TBL1X: variants seen among roughly 807,000 people sequenced by gnomAD.
TBL1X encodes the protein transducin beta like 1 X-linked, also known as F-box-like/WD repeat-containing protein TBL1X.
Under a neutral mutation model 50.7 loss-of-function variants are expected in TBL1X, and 10 were observed. That is an observed-to-expected ratio of 0.20 (90% CI 0.12 to 0.33). The LOEUF (loss-of-function observed/expected upper bound fraction) is 0.33. Among genes scored for constraint, TBL1X ranks in the 10% least tolerant of loss-of-function variants. The pLI is 1.00. For missense variants in TBL1X, 340 were observed against 504.4 expected, an observed-to-expected ratio of 0.67 and a Z score of 3.12; for synonymous variants, 190 against 214.7, an observed-to-expected ratio of 0.88 and a Z score of 1.01.
intron 2 of TBL1X, among the ~76,000 whole-genome samples, chrX:9,574,539 A>G (rs976637310): frequency 4.6e-5 from 5 of 109,057 alleles, no homozygotes; most frequent in Non-Finnish European, 7.6e-5. Flanking sequence ...TACCTTCCCG[A>G]ACCTTTGCTG....
At chrX:9,532,044 A>G (rs987738983) in intron 2 of TBL1X, among the ~76,000 whole-genome samples, 1 of 111,661 alleles carries the variant, frequency 9.0e-6, no homozygotes, top group Non-Finnish European at 1.9e-5. Context: ...GCGCAAGAGC[A>G]CGTCTTTTAA....
intron 3 of TBL1X, among the ~76,000 whole-genome samples, chrX:9,648,431 C>T (rs2082816428): frequency 8.9e-6 from 1 of 111,817 alleles, no homozygotes; most frequent in Non-Finnish European, 1.9e-5. Context: ...GTGTAGAGGG[C>T]AGTCCTCATG....
At chrX:9,591,730 A>G (rs1316110391) in intron 2 of TBL1X, among the ~76,000 whole-genome samples, 1 of 111,693 alleles carries the variant, frequency 9.0e-6, no homozygotes, top group Non-Finnish European at 1.9e-5. Flanking sequence ...ACCTGAGCCA[A>G]GTGACACACA....
At chrX:9,567,561 C>T (rs1288789364) in intron 2 of TBL1X, among the ~76,000 whole-genome samples, 1 of 111,848 alleles carries the variant, frequency 8.9e-6, no homozygotes, top group African/African-American at 3.2e-5. Context: ...GTGTCCCACT[C>T]AAACCGGTTG....
chrX:9,488,265 C>T (rs1272635516), intron 1 of TBL1X, among the ~76,000 whole-genome samples: 1 of 112,446 alleles, frequency 8.9e-6, no homozygotes, highest in African/African-American at 3.2e-5. Context: ...GGCCAGAAGT[C>T]TGAAATGGGT....
chrX:9,551,797 C>T (rs569378571), intron 2 of TBL1X, among the ~76,000 whole-genome samples: 1 of 111,822 alleles, frequency 8.9e-6, no homozygotes, highest in Non-Finnish European at 1.9e-5. Context: ...CATAAGCACA[C>T]GCACGCTGGC....
At chrX:9,697,274 A>AAAT in intron 11 of TBL1X, 95 bp from the exon 12 acceptor site, 1 of 1,104,858 alleles carries the variant, frequency 9.1e-7, no homozygotes, top group Non-Finnish European at 1.2e-6. Flanking sequence ...GCCGGTTTAT[A>AAAT]AGGAGAAGGG....
intron 2 of TBL1X, among the ~76,000 whole-genome samples, chrX:9,531,933 C>T (rs1468368531): frequency 1.8e-5 from 2 of 110,693 alleles, no homozygotes; most frequent in African/African-American, 6.6e-5. Flanking sequence ...GGGGTTTCGC[C>T]ATGTTGGCCA....
At chrX:9,701,321 C>A (rs1205266095) in intron 12 of TBL1X, among the ~76,000 whole-genome samples, 2 of 109,890 alleles carry the variant, frequency 1.8e-5, no homozygotes, top group African/African-American at 6.6e-5. Context: ...CCAAACTGGC[C>A]TATGCATGGG....
At chrX:9,712,151 G>A (rs1001836376) in intron 16 of TBL1X, among the ~76,000 whole-genome samples, 3 of 112,328 alleles carry the variant, frequency 2.7e-5, no homozygotes, top group African/African-American at 9.7e-5. Context: ...AGTTATCACC[G>A]AAGTGCTGCT....
intron 13 of TBL1X, 148 bp from the exon 14 acceptor site, chrX:9,709,100 A>G (rs1003430529): frequency 2.0e-6 from 1 of 499,964 alleles, no homozygotes; most frequent in Non-Finnish European, 3.3e-6. Flanking sequence ...AGGAAACTAG[A>G]TGGCTGGTTG....
chrX:9,617,378 C>T (rs909410574), intron 2 of TBL1X, among the ~76,000 whole-genome samples: 7 of 111,722 alleles, frequency 6.3e-5, no homozygotes, highest in Non-Finnish European at 1.3e-4. Flanking sequence ...AGGTCAGGTT[C>T]GCTGAGATCT....
At chrX:9,531,354 G>GGTGTGTGTGTGTGTGTGT (rs57905343) in intron 2 of TBL1X, among the ~76,000 whole-genome samples, 91 of 75,206 alleles carry the variant, frequency 1.2e-3, no homozygotes, top group Admixed American at 1.8e-3. Context: ...GAACCTGGAG[G>GGTGTGTGTGTGTGTGTGT]GTGTGTGTGT....
intron 12 of TBL1X, among the ~76,000 whole-genome samples, chrX:9,698,925 G>A (rs758663295): frequency 9.0e-6 from 1 of 111,600 alleles, no homozygotes; most frequent in Non-Finnish European, 1.9e-5. Context: ...TCTGGAGTCT[G>A]TAGAGATTCC....
At chrX:9,610,745 A>G (rs1245825918) in intron 2 of TBL1X, among the ~76,000 whole-genome samples, 3 of 112,396 alleles carry the variant, frequency 2.7e-5, no homozygotes, top group Admixed American at 1.9e-4. Flanking sequence ...CCCTTTAAAG[A>G]AAGCTTCTCA....
At chrX:9,546,750 G>T (rs1278971183) in intron 2 of TBL1X, among the ~76,000 whole-genome samples, 1 of 105,046 alleles carries the variant, frequency 9.5e-6, no homozygotes, top group Non-Finnish European at 2.0e-5. Context: ...CATTCTTAAA[G>T]AAGAGCTTTC....
At chrX:9,716,143 T>G in intron 17 of TBL1X, 77 bp from the exon 18 acceptor site, 1 of 1,111,648 alleles carries the variant, frequency 9.0e-7, no homozygotes, top group Non-Finnish European at 1.2e-6. Context: ...GTGGGGGCCG[T>G]AGCTTGCCGA....
At chrX:9,652,782 T>A (rs1601817970) in intron 3 of TBL1X, among the ~76,000 whole-genome samples, 1 of 92,824 alleles carries the variant, frequency 1.1e-5, no homozygotes, top group African/African-American at 4.2e-5. Flanking sequence ...GCCCGGGAGG[T>A]GGAGGTTGCA....
At chrX:9,466,304 T>G (rs1264693814) in intron 1 of TBL1X, among the ~76,000 whole-genome samples, 1 of 111,903 alleles carries the variant, frequency 8.9e-6, no homozygotes, top group African/African-American at 3.2e-5. Flanking sequence ...GCTGGCCGGA[T>G]ATGTGACAAC....
Sources: gnomAD v4.1 joint callset for allele counts (sites outside exome capture counted in the v4.1 genomes callset) on GRCh38, gnomAD v4.1.1 for gene constraint, MANE v1.5 for transcripts, NCBI Gene and HGNC (gene_info 2026-07-23, HGNC 2026-07-21) for gene names.